Variants in KLHDC4 observed in about 807,000 individuals in gnomAD.
KLHDC4 encodes the protein kelch domain containing 4.
In KLHDC4, 90 loss-of-function variants were observed where a neutral mutation model predicts 62.4. The observed-to-expected ratio is 1.44, with a 90% CI of 1.22 to 1.72. KLHDC4 has a LOEUF of 1.72. Among genes scored for constraint, KLHDC4 ranks in the 40% most tolerant of loss-of-function variants. The pLI, the probability that KLHDC4 is intolerant of heterozygous loss-of-function variation, is 0.00. For missense variants in KLHDC4, 1,025 were observed against 699.7 expected (o/e 1.47, Z -5.25); for synonymous variants, 386 against 284.4 (o/e 1.36, Z -3.59).
chr16:87,705,231 C>T (rs2034525049), downstream of KLHDC4, among the ~76,000 whole-genome samples: 6 of 152,262 alleles, frequency 3.9e-5, no homozygotes, highest in South Asian at 2.1e-4. Context: ...TCGTGCCGGC[C>T]GCTCACGCCC....
At chr16:87,703,838 A>G (rs1255244976), downstream of KLHDC4, among the ~76,000 whole-genome samples, 1 of 152,240 alleles carries the variant, frequency 6.6e-6, no homozygotes, top group African/African-American at 2.4e-5. Flanking sequence ...AGGTGTGGCC[A>G]GGCCCCAGAT....
At chr16:87,763,848 C>T (rs2046229738) in intron 1 of KLHDC4, among the ~76,000 whole-genome samples, 2 of 152,122 alleles carry the variant, frequency 1.3e-5, no homozygotes, top group South Asian at 4.1e-4. Context: ...CAGTGACAGC[C>T]TCTCCAAAGT....
At chr16:87,707,445 C>G (rs937537633), downstream of KLHDC4, among the ~76,000 whole-genome samples, 1 of 152,204 alleles carries the variant, frequency 6.6e-6, no homozygotes, top group Non-Finnish European at 1.5e-5. Context: ...CCGCTGCACA[C>G]GAGGAGCCCC....
At chr16:87,706,956 C>T (rs533882440), downstream of KLHDC4, among the ~76,000 whole-genome samples, 4 of 152,272 alleles carry the variant, frequency 2.6e-5, no homozygotes, top group East Asian at 1.9e-4. Context: ...GCACCGGCTC[C>T]GCCAGGAGGG....
intron 2 of KLHDC4, among the ~76,000 whole-genome samples, chr16:87,759,249 T>C (rs1423308791): frequency 2.5e-4 from 38 of 151,570 alleles, no homozygotes; most frequent in Non-Finnish European, 8.8e-5. Context: ...AAAAAAACTT[T>C]TTAGGTCGGG....
Position 87,742,290 on chromosome 16 carries a change from C to A in KLHDC4, c.506+6383G>T, listed in dbSNP as rs115279994. 5.0e-3 allele frequency among the ~76,000 whole-genome samples: 766 copies of A among 152,274 alleles called. 6 individuals are homozygous for A. Among genetic ancestry groups the A allele is most frequent in the African/African-American group, 0.018 (750 of 41,556 alleles). On this transcript the variant is annotated intron_variant, in intron 5 of 11. Transcript: ENST00000270583. Reference sequence around the variant, plus strand: ...TGTACCATCCCCAGCTACACTAGCCCCTGACGATCCGGCCACATAGCACTC... The same window carrying A: ...TGTACCATCCCCAGCTACACTAGCCACTGACGATCCGGCCACATAGCACTC...
At chr16:87,736,476 C>A (rs980344472) in intron 5 of KLHDC4, among the ~76,000 whole-genome samples, 1 of 152,164 alleles carries the variant, frequency 6.6e-6, no homozygotes, top group African/African-American at 2.4e-5. Context: ...GACTAGAGAG[C>A]CCCTGTCTTT....
intron 7 of KLHDC4, among the ~76,000 whole-genome samples, chr16:87,723,418 T>C (rs970751003): frequency 6.6e-6 from 1 of 152,266 alleles, no homozygotes; most frequent in Non-Finnish European, 1.5e-5. Context: ...CACGCGACTC[T>C]GATGAAAGCG....
intron 6 of KLHDC4, among the ~76,000 whole-genome samples, chr16:87,727,265 G>A (rs74039498): frequency 0.026 from 4,030 of 152,278 alleles, 179 homozygotes; most frequent in African/African-American, 0.091. Flanking sequence ...AAATAATGCT[G>A]GCCCACAGAG....
intron 10 of KLHDC4, among the ~76,000 whole-genome samples, 181 bp downstream of exon 10, chr16:87,709,084 G>C (rs1567647993): frequency 6.6e-6 from 1 of 152,386 alleles, no homozygotes; most frequent in African/African-American, 2.4e-5. Context: ...CCCAGGGTGG[G>C]CCCCCCTTTC....
At chr16:87,740,099 C>G (rs1257418300) in intron 5 of KLHDC4, among the ~76,000 whole-genome samples, 1 of 152,154 alleles carries the variant, frequency 6.6e-6, no homozygotes, top group Non-Finnish European at 1.5e-5. Flanking sequence ...CGAATCTCCC[C>G]CAACCCCCTG....
intron 6 of KLHDC4, among the ~76,000 whole-genome samples, chr16:87,728,729 A>G (rs1406295760): frequency 6.6e-6 from 1 of 152,052 alleles, no homozygotes; most frequent in African/African-American, 2.4e-5. Flanking sequence ...GCCTATAATC[A>G]CAGCACTTTG....
At position 87,757,816 on chromosome 16, in the gene KLHDC4, C is replaced by T. The variant is rs534989389; in HGVS notation, c.192-1339G>A. Reference sequence around the variant, plus strand: ...CTGAGGCAGGAGGATCACTTGAACCCGGGAGGCAGAGGCTGCAGTGAGCCA... The same window carrying T: ...CTGAGGCAGGAGGATCACTTGAACCTGGGAGGCAGAGGCTGCAGTGAGCCA... On this transcript the variant is annotated intron_variant, in intron 2 of 11. Transcript: ENST00000270583. Among the ~76,000 whole-genome samples the T allele has an allele frequency of 3.3e-5, 5 of 151,998 alleles. No homozygotes were observed. The East Asian group carries it at 9.7e-4, about 30-fold the overall frequency.
exon 1 of KLHDC4, chr16:87,702,188 A>ACAACCC (rs1019785095): frequency 3.9e-5 from 18 of 456,162 alleles, no homozygotes; most frequent in Non-Finnish European, 3.5e-5. Flanking sequence ...ACCAACCTTG[A>ACAACCC]CAACCCAAGG....
chr16:87,702,296 G>T (rs766170843), exon 1 of KLHDC4: 2 of 456,206 alleles, frequency 4.4e-6, no homozygotes, highest in East Asian at 6.9e-5. Context: ...AAGGAGGGCC[G>T]GTCTGCCGGG....
intron 5 of KLHDC4, chr16:87,742,963 T>C (rs188265451): frequency 6.6e-6 from 1 of 152,188 alleles, no homozygotes; most frequent in Non-Finnish European, 1.5e-5. Context: ...GGAGAACACT[T>C]GAGGAAAACT....
intron 5 of KLHDC4, among the ~76,000 whole-genome samples, chr16:87,742,015 C>CA (rs1473366379): frequency 1.3e-5 from 2 of 152,200 alleles, no homozygotes; most frequent in Admixed American, 6.5e-5. Context: ...CGAGGCCTGA[C>CA]ACAGCAATCT....
rs377039756 is a variant in KLHDC4 at position 87,709,445 on chromosome 16, C to T, written c.1267G>A (p.Gly423Ser). ...GGACACGGCCCAGGTGCGGGGCTGCCGGCCTCCTCAAGGCTGTCTTCGTCC... is the reference window on the plus strand; with the variant it reads ...GGACACGGCCCAGGTGCGGGGCTGCTGGCCTCCTCAAGGCTGTCTTCGTCC... ...SEDEDSLEEA[G>S]SPAPGPCPRS... Residue 423 changes from glycine (G) to serine (S), a missense_variant, in exon 10 of 12, where the codon GGC (glycine) becomes AGC (serine). Transcript: ENST00000270583. 21 of 1,612,422 alleles carry T rather than the reference C, an allele frequency of 1.3e-5. No individual in the cohort carries two copies. The East Asian group carries it at 2.5e-4, about 19-fold the overall frequency.
intron 5 of KLHDC4, among the ~76,000 whole-genome samples, chr16:87,746,397 G>C (rs144051168): frequency 4.7e-4 from 72 of 152,088 alleles, no homozygotes; most frequent in African/African-American, 1.6e-3. Flanking sequence ...GAGACAGAGA[G>C]AGAAAGAGAG....
Sources: allele counts gnomAD v4.1 joint callset (sites outside exome capture counted in the v4.1 genomes callset), GRCh38; gene constraint gnomAD v4.1.1; transcripts MANE v1.5; gene names NCBI Gene and HGNC (gene_info 2026-07-23, HGNC 2026-07-21).